SLC24A4: variants seen among roughly 807,000 people sequenced by gnomAD.
SLC24A4 encodes sodium/potassium/calcium exchanger 4.
Under a neutral mutation model 79.0 loss-of-function variants are expected in SLC24A4, and 53 were observed. The observed-to-expected ratio is 0.67, with a 90% CI of 0.54 to 0.84. The LOEUF is 0.84. Ranked by LOEUF, SLC24A4 falls within the 40% of genes least tolerant of loss-of-function variation. The pLI, the probability that SLC24A4 is intolerant of heterozygous loss-of-function variation, is 0.00. For missense variants in SLC24A4, 731 were observed against 822.0 expected, an observed-to-expected ratio of 0.89 and a Z score of 1.35; for synonymous variants, 323 against 323.8, an observed-to-expected ratio of 1.00 and a Z score of 0.03.
At chr14:92,474,843 G>GTGTGTGTGTGTGTGTGTGTATA (rs779007741) in intron 12 of SLC24A4, among the ~76,000 whole-genome samples, 19 of 23,862 alleles carry the variant, frequency 8.0e-4, no homozygotes, top group Non-Finnish European at 1.2e-3. Context: ...GTGTGTGTGT[G>GTGTGTGTGTGTGTGTGTGTATA]TATATATATA....
chr14:92,498,074 C>T lies in SLC24A4; in HGVS notation c.*4446C>T, dbSNP rs912885816. On this transcript the variant is annotated 3_prime_UTR_variant, in exon 17 of 17. Transcript: ENST00000532405. The stretch of plus-strand genomic sequence containing the variant: ...CAGCACACCGTGCCCATAGAAACTT[C>T]TAGAAATTTCTGAAAATGCTCTGTG... 6.6e-6 allele frequency: 1 copy of T among 152,260 alleles called. No homozygotes were observed. The highest frequency in any genetic ancestry group is 2.4e-5 in the African/African-American group (1 of 41,454). The allele number at this position is 152,260 out of a possible 1,614,324, so 9.4% of individuals were successfully genotyped here.
At chr14:92,378,093 A>G (rs933935261) in intron 2 of SLC24A4, among the ~76,000 whole-genome samples, 1 of 152,066 alleles carries the variant, frequency 6.6e-6, no homozygotes, top group Non-Finnish European at 1.5e-5. Context: ...TTCTCTTATC[A>G]TGGGAGTCAT....
intron 2 of SLC24A4, among the ~76,000 whole-genome samples, chr14:92,371,967 AT>A (rs1172694632): frequency 3.1e-5 from 2 of 65,094 alleles, no homozygotes; most frequent in African/African-American, 5.8e-5. Flanking sequence ...TGTCTGTGCC[AT>A]TCATCAGACA....
chr14:92,484,144 C>G (rs1895229640), intron 13 of SLC24A4: 1 of 985,386 alleles, frequency 1.0e-6, no homozygotes, highest in Non-Finnish European at 1.2e-6. Context: ...CCAATCCTGT[C>G]TCTTCCCTCC....
At chr14:92,417,203 C>T (rs1891028038) in intron 2 of SLC24A4, among the ~76,000 whole-genome samples, 1 of 152,112 alleles carries the variant, frequency 6.6e-6, no homozygotes, top group South Asian at 2.1e-4. Context: ...TCTACATGGC[C>T]CCATAAGATT....
At chr14:92,366,358 T>C (rs888670784) in intron 2 of SLC24A4, among the ~76,000 whole-genome samples, 2 of 152,166 alleles carry the variant, frequency 1.3e-5, no homozygotes, top group Admixed American at 6.5e-5. Flanking sequence ...GGCAGAGGAA[T>C]GTGACAGCCA....
At chr14:92,385,496 T>TAAAAA (rs56777130) in intron 2 of SLC24A4, among the ~76,000 whole-genome samples, 10 of 145,608 alleles carry the variant, frequency 6.9e-5, no homozygotes, top group African/African-American at 2.0e-4. Flanking sequence ...ACTCCGTCTT[T>TAAAAA]AAAAAAAAAA....
chr14:92,429,597 C>T (rs8016437), intron 2 of SLC24A4, among the ~76,000 whole-genome samples: 87,966 of 152,016 alleles, frequency 0.58, 25,866 homozygotes, highest in East Asian at 0.81. Context: ...TGTTTCAGAG[C>T]GTGGCCTCTT....
chr14:92,351,964 A>T (rs538095845), intron 2 of SLC24A4, among the ~76,000 whole-genome samples: 1 of 141,474 alleles, frequency 7.1e-6, no homozygotes, highest in African/African-American at 2.7e-5. Context: ...AGAAAGAGTA[A>T]GAGAGAAAGA....
At position 92,499,199 on chromosome 14, in the gene SLC24A4, A is replaced by G. The variant is rs1049973195; in HGVS notation, c.*5571A>G. ...GCATGTTTCTAAGGCTCTTTATTCA[A>G]TCTCACGGTGTCAGTGTCCAGTTGT... On this transcript the variant is annotated 3_prime_UTR_variant, in exon 17 of 17. Coordinates refer to ENST00000532405, the MANE Select transcript of SLC24A4 (RefSeq NM_153646.4). The G allele has an allele frequency of 2.0e-5, 3 of 152,150 alleles. No homozygotes were observed. Among genetic ancestry groups the G allele is most frequent in the African/African-American group, 4.8e-5 (2 of 41,400 alleles). 9.4% of individuals were successfully genotyped at this position (152,150 alleles called of 1,614,324 possible). A position where few individuals can be genotyped will look rare whatever the true frequency, so the allele number is the denominator to read the frequency against.
At chr14:92,412,848 C>G (rs1388620174) in intron 2 of SLC24A4, among the ~76,000 whole-genome samples, 1 of 152,194 alleles carries the variant, frequency 6.6e-6, no homozygotes, top group Non-Finnish European at 1.5e-5. Flanking sequence ...AGCTCTCCAC[C>G]TGTTTGGAAT....
At chr14:92,408,709 G>A (rs565437997) in intron 2 of SLC24A4, among the ~76,000 whole-genome samples, 20 of 152,108 alleles carry the variant, frequency 1.3e-4, no homozygotes, top group African/African-American at 4.8e-4. Context: ...TTACAAATGT[G>A]GATTTTTTTT....
intron 2 of SLC24A4, among the ~76,000 whole-genome samples, chr14:92,420,080 C>G (rs527795560): frequency 1.3e-5 from 2 of 152,304 alleles, no homozygotes; most frequent in Admixed American, 6.5e-5. Flanking sequence ...TGCCAGCTGT[C>G]ACAGACGCCG....
At chr14:92,487,726 A>G (rs1216145851) in intron 14 of SLC24A4, among the ~76,000 whole-genome samples, 1 of 152,180 alleles carries the variant, frequency 6.6e-6, no homozygotes, top group Non-Finnish European at 1.5e-5. Context: ...AAGTGCCACA[A>G]TGGGGTGCCT....
intron 2 of SLC24A4, among the ~76,000 whole-genome samples, chr14:92,339,815 A>G (rs1886023839): frequency 6.6e-6 from 1 of 152,244 alleles, no homozygotes; most frequent in South Asian, 2.1e-4. Context: ...AATTGAAATA[A>G]TATGTGAAAG....
At chr14:92,325,498 GCTATTCATTC>G (rs1885073718) in intron 1 of SLC24A4, among the ~76,000 whole-genome samples, 1 of 152,202 alleles carries the variant, frequency 6.6e-6, no homozygotes. Context: ...TTGCTGACTT[GCTATTCATTC>G]GTGAAGTTCC....
intron 2 of SLC24A4, among the ~76,000 whole-genome samples, chr14:92,381,301 A>G (rs1451060723): frequency 6.6e-6 from 1 of 152,166 alleles, no homozygotes; most frequent in Non-Finnish European, 1.5e-5. Context: ...TGAAGCTGGA[A>G]GCCATCATCC....
intron 2 of SLC24A4, among the ~76,000 whole-genome samples, chr14:92,346,045 G>T (rs1002870115): frequency 6.6e-6 from 1 of 152,164 alleles, no homozygotes; most frequent in Non-Finnish European, 1.5e-5. Context: ...GGAAAGGTAA[G>T]GGAAAGGGGA....
At chr14:92,390,259 G>A (rs1889390502) in intron 2 of SLC24A4, among the ~76,000 whole-genome samples, 1 of 151,854 alleles carries the variant, frequency 6.6e-6, no homozygotes, top group Admixed American at 6.6e-5. Flanking sequence ...GAACATTTCT[G>A]TCCATCACAA....
Sources: gnomAD v4.1 joint callset for allele counts (sites outside exome capture counted in the v4.1 genomes callset) on GRCh38, gnomAD v4.1.1 for gene constraint, MANE v1.5 for transcripts, NCBI Gene and HGNC (gene_info 2026-07-23, HGNC 2026-07-21) for gene names.